KIAA1217: variants seen among roughly 807,000 people sequenced by gnomAD.
KIAA1217 encodes KIAA1217.
A neutral mutation model predicts 163.9 loss-of-function variants in KIAA1217; 88 were observed. The ratio of observed to expected loss-of-function variants is 0.54; its 90% CI spans 0.45 to 0.64. KIAA1217 has a LOEUF of 0.64. Among genes scored for constraint, KIAA1217 ranks in the 30% least tolerant of loss-of-function variants. The pLI is 0.00. For missense variants in KIAA1217, 2,372 were observed against 2,475.0 expected, an observed-to-expected ratio of 0.96 and a Z score of 0.88; for synonymous variants, 903 against 923.1, an observed-to-expected ratio of 0.98 and a Z score of 0.39.
At chr10:23,749,371 A>G (rs886246839) in intron 1 of KIAA1217, among the ~76,000 whole-genome samples, 1 of 151,138 alleles carries the variant, frequency 6.6e-6, no homozygotes, top group Non-Finnish European at 1.5e-5. Context: ...GTTCTCTGCC[A>G]TCTTTACCCA....
In KIAA1217 at chr10:24,064,042, C is replaced by G. The variant is rs553858778; in HGVS notation, c.-171+56668C>G. Among the ~76,000 whole-genome samples, 16 of 152,262 alleles carry G rather than the reference C, an allele frequency of 1.1e-4. No homozygotes were observed. The South Asian group carries it at 3.3e-3, about 32-fold the overall frequency. ...CTTATCAGCTTAAGGAGATTTAGGG[C>G]TGAGACGATGGGGTTTTCTAGATAC... On this transcript the variant is annotated intron_variant, in intron 2 of 18. Coordinates refer to the KIAA1217 transcript ENST00000376462.
intron 2 of KIAA1217, among the ~76,000 whole-genome samples, chr10:24,041,042 C>T (rs946942445): frequency 2.0e-5 from 3 of 152,196 alleles, no homozygotes; most frequent in Non-Finnish European, 4.4e-5. Context: ...ATGCTCTTTC[C>T]AGCACATAAC....
At chr10:24,127,327 G>A (rs1281728846) in intron 2 of KIAA1217, among the ~76,000 whole-genome samples, 1 of 152,010 alleles carries the variant, frequency 6.6e-6, no homozygotes, top group Non-Finnish European at 1.5e-5. Context: ...GGTTGGGGAG[G>A]GTTTATATCC....
At chr10:23,863,418 A>T (rs980952096) in intron 1 of KIAA1217, among the ~76,000 whole-genome samples, 1 of 152,132 alleles carries the variant, frequency 6.6e-6, no homozygotes, top group East Asian at 1.9e-4. Flanking sequence ...GCTTTTCCAT[A>T]TTTAATGAGA....
intron 2 of KIAA1217, among the ~76,000 whole-genome samples, chr10:24,279,285 T>A (rs1404425061): frequency 6.6e-6 from 1 of 151,960 alleles, no homozygotes; most frequent in Non-Finnish European, 1.5e-5. Context: ...TTTGTTTTTT[T>A]TTTTAAAAAA....
At chr10:24,292,265 T>C (rs1279057777) in intron 2 of KIAA1217, among the ~76,000 whole-genome samples, 2 of 152,220 alleles carry the variant, frequency 1.3e-5, no homozygotes, top group Non-Finnish European at 2.9e-5. Context: ...GTTTAACTGA[T>C]GGAAAACTCC....
chr10:24,174,474 A>T (rs2065776543), intron 2 of KIAA1217, among the ~76,000 whole-genome samples: 1 of 152,212 alleles, frequency 6.6e-6, no homozygotes, highest in Admixed American at 6.5e-5. Flanking sequence ...CCCATTTCCT[A>T]TCACAGAAGA....
At chr10:23,880,529 A>G (rs992953055) in intron 1 of KIAA1217, among the ~76,000 whole-genome samples, 4 of 151,954 alleles carry the variant, frequency 2.6e-5, no homozygotes, top group Non-Finnish European at 4.4e-5. Context: ...AGTAAGACCT[A>G]GTATTTGCTA....
intron 3 of KIAA1217, among the ~76,000 whole-genome samples, chr10:24,429,031 A>T (rs1284077140): frequency 6.6e-6 from 1 of 152,232 alleles, no homozygotes; most frequent in East Asian, 1.9e-4. Flanking sequence ...AATGGCTACT[A>T]AAATTCTAGC....
chr10:23,886,149 C>T (rs1334336109), intron 1 of KIAA1217, among the ~76,000 whole-genome samples: 1 of 151,890 alleles, frequency 6.6e-6, no homozygotes, highest in Non-Finnish European at 1.5e-5. Context: ...CTGATGTTGG[C>T]TCCTGTCCTT....
intron 2 of KIAA1217, among the ~76,000 whole-genome samples, chr10:24,197,244 T>C (rs1362548443): frequency 1.3e-5 from 2 of 152,230 alleles, no homozygotes; most frequent in African/African-American, 4.8e-5. Flanking sequence ...TTAGACTTCT[T>C]GACAACTATT....
At position 24,511,152 on chromosome 10, in the gene KIAA1217, C is replaced by CAAAAAAA. The variant is rs58529942; in HGVS notation, c.2002-2092_2002-2086dup. Among the ~76,000 whole-genome samples, 47 of 34,512 alleles carry CAAAAAAA rather than the reference C, an allele frequency of 1.4e-3. 1 individual carries two copies. The highest frequency in any genetic ancestry group is 0.045 in the Middle Eastern group (1 of 22). 22.6% of individuals were successfully genotyped at this position (34,512 alleles called of 152,430 possible). On this transcript the variant is annotated intron_variant, in intron 9 of 20. Transcript: ENST00000376454. Reference sequence around the variant, plus strand: ...TGGGCAACAGAGTGAGACTCTGTCTCAAAAAAAAAAAAAAAAAAAAAGGAG... The same window carrying CAAAAAAA: ...TGGGCAACAGAGTGAGACTCTGTCTCAAAAAAAAAAAAAAAAAAAAAAAAAAAAGGAG...
intron 1 of KIAA1217, among the ~76,000 whole-genome samples, chr10:23,884,771 G>A (rs1158198277): frequency 6.6e-6 from 1 of 151,948 alleles, no homozygotes; most frequent in African/African-American, 2.4e-5. Flanking sequence ...TATTCCTGCA[G>A]CTTTGCCCTT....
chr10:24,062,701 G>A (rs2060777133), intron 2 of KIAA1217, among the ~76,000 whole-genome samples: 1 of 151,908 alleles, frequency 6.6e-6, no homozygotes, highest in Non-Finnish European at 1.5e-5. Flanking sequence ...CTAGATCCCT[G>A]AGGAATCGCC....
At chr10:23,853,084 C>G (rs1401250546) in intron 1 of KIAA1217, among the ~76,000 whole-genome samples, 2 of 152,182 alleles carry the variant, frequency 1.3e-5, no homozygotes, top group Non-Finnish European at 2.9e-5. Flanking sequence ...GCATCCCTGT[C>G]TTGTGCCAGT....
At chr10:24,520,675 T>TATATACACAC (rs1411092462) in intron 11 of KIAA1217, among the ~76,000 whole-genome samples, 2 of 77,498 alleles carry the variant, frequency 2.6e-5, no homozygotes, top group Non-Finnish European at 4.5e-5. Flanking sequence ...TATATATATA[T>TATATACACAC]ACACACACAC....
chr10:23,710,154 C>T (rs1415501431), intron 1 of KIAA1217, among the ~76,000 whole-genome samples: 3 of 151,590 alleles, frequency 2.0e-5, no homozygotes, highest in Admixed American at 6.6e-5. Flanking sequence ...AGGTGTGGGA[C>T]GGGGCCTTCT....
At chr10:24,080,978 C>A (rs941087056) in intron 2 of KIAA1217, among the ~76,000 whole-genome samples, 1 of 152,124 alleles carries the variant, frequency 6.6e-6, no homozygotes, top group Non-Finnish European at 1.5e-5. Flanking sequence ...GTCACACAAA[C>A]CTATTCTGAA....
chr10:23,815,447 A>G (rs920316670), intron 1 of KIAA1217, among the ~76,000 whole-genome samples: 1 of 152,140 alleles, frequency 6.6e-6, no homozygotes, highest in African/African-American at 2.4e-5. Flanking sequence ...GATCCAGACC[A>G]TCCTGGCTAA....
Sources: gnomAD v4.1 joint callset for allele counts (sites outside exome capture counted in the v4.1 genomes callset) on GRCh38, gnomAD v4.1.1 for gene constraint, MANE v1.5 for transcripts, NCBI Gene and HGNC (gene_info 2026-07-23, HGNC 2026-07-21) for gene names.